Variants in DHRSX observed in about 807,000 individuals in gnomAD.
The protein encoded by DHRSX is dehydrogenase/reductase X-linked.
A neutral mutation model predicts 34.0 loss-of-function variants in DHRSX; 31 were observed. That is an observed-to-expected ratio of 0.91 (90% CI 0.69 to 1.23). The LOEUF (loss-of-function observed/expected upper bound fraction) is 1.23, where lower values mean the gene tolerates loss of function less well. DHRSX is among the 50% of genes most tolerant of loss of function. DHRSX has a pLI of 0.00. For synonymous variants in DHRSX, 201 were observed against 183.8 expected (o/e 1.09, Z -0.76); for missense variants, 414 against 428.1 (o/e 0.97, Z 0.29).
At chrX:2,345,935 C>G (rs1379959562) in intron 3 of DHRSX, among the ~76,000 whole-genome samples, 1 of 152,192 alleles carries the variant, frequency 6.6e-6, no homozygotes, top group Non-Finnish European at 1.5e-5. Flanking sequence ...AATGTGCTTT[C>G]TATCAGTACA....
chrX:2,390,144 C>CTTT lies in DHRSX; in HGVS notation c.286+18598_286+18600dup, dbSNP rs575599788. On this transcript the variant is annotated intron_variant, in intron 3 of 6. Coordinates refer to ENST00000334651, the MANE Select transcript of DHRSX (RefSeq NM_145177.3). ...ATAACATAAAGTTTAGCATTTTAAC[C>CTTT]TTTTTTTTTTTTTTTTTTAATGGAG... Among the ~76,000 whole-genome samples the CTTT allele has an allele frequency of 6.0e-4, 77 of 128,174 alleles. 1 individual carries two copies. The highest frequency in any genetic ancestry group is 5.2e-3 in the South Asian group (21 of 4,040). 84.1% of individuals were successfully genotyped at this position (128,174 alleles called of 152,430 possible). A position where few individuals can be genotyped will look rare whatever the true frequency, so the allele number is the denominator to read the frequency against.
At chrX:2,331,436 GTTTT>G (rs1159991841) in intron 3 of DHRSX, among the ~76,000 whole-genome samples, 14 of 94,662 alleles carry the variant, frequency 1.5e-4, no homozygotes, top group Non-Finnish European at 2.8e-4. Flanking sequence ...AGGTTTTTTG[GTTTT>G]TTTTTTTTTT....
intron 5 of DHRSX, among the ~76,000 whole-genome samples, chrX:2,263,791 G>T (rs371599833): frequency 6.6e-6 from 1 of 152,138 alleles, no homozygotes; most frequent in African/African-American, 2.4e-5. Context: ...GATGACAGGC[G>T]TGAGCCACCA....
chrX:2,468,939 A>T (rs973885601), intron 1 of DHRSX, among the ~76,000 whole-genome samples: 1 of 151,548 alleles, frequency 6.6e-6, no homozygotes, highest in Non-Finnish European at 1.5e-5. Context: ...GACGTTCCCT[A>T]AGTATGTGGC....
intron 1 of DHRSX, among the ~76,000 whole-genome samples, chrX:2,482,223 T>C (rs886271223): frequency 9.9e-5 from 15 of 151,882 alleles, no homozygotes; most frequent in Non-Finnish European, 1.8e-4. Flanking sequence ...TCCAACTCCC[T>C]GGCTCAAGTG....
At chrX:2,236,128 T>C (rs2016009721) in intron 6 of DHRSX, among the ~76,000 whole-genome samples, 1 of 150,562 alleles carries the variant, frequency 6.6e-6, no homozygotes, top group African/African-American at 2.4e-5. Context: ...AAAAAATAAA[T>C]AAATAAAATA....
At chrX:2,408,564 C>T (rs1311249087) in intron 3 of DHRSX, among the ~76,000 whole-genome samples, 181 bp downstream of exon 3, 1 of 152,094 alleles carries the variant, frequency 6.6e-6, no homozygotes, top group African/African-American at 2.4e-5. Context: ...CTTCGCCTTG[C>T]CTTGACCATC....
chrX:2,329,496 C>T (rs1195619672), intron 3 of DHRSX, among the ~76,000 whole-genome samples: 1 of 152,046 alleles, frequency 6.6e-6, no homozygotes, highest in Non-Finnish European at 1.5e-5. Flanking sequence ...TAGAAGAGGT[C>T]GAATTTAGAG....
chrX:2,225,462 ATTC>A (rs2015636298), intron 6 of DHRSX, among the ~76,000 whole-genome samples: 1 of 150,412 alleles, frequency 6.6e-6, no homozygotes, highest in Non-Finnish European at 1.5e-5. Context: ...ATGCTTATAT[ATTC>A]ATTTGCATGC....
chrX:2,491,316 C>T (rs1441127066), intron 1 of DHRSX, among the ~76,000 whole-genome samples: 4 of 152,158 alleles, frequency 2.6e-5, no homozygotes, highest in Non-Finnish European at 5.9e-5. Context: ...GTGATCCACC[C>T]GCCTTGGCCT....
intron 1 of DHRSX, among the ~76,000 whole-genome samples, chrX:2,478,302 TGA>T (rs1415869789): frequency 6.6e-6 from 1 of 152,082 alleles, no homozygotes; most frequent in East Asian, 1.9e-4. Flanking sequence ...GGATTCCACA[TGA>T]GAGTCACAGA....
chrX:2,242,815 C>T (rs185725297), intron 6 of DHRSX, among the ~76,000 whole-genome samples: 6 of 152,140 alleles, frequency 3.9e-5, no homozygotes, highest in Non-Finnish European at 7.4e-5. Context: ...GGCCAACCAG[C>T]GGCCGCCGGG....
intron 1 of DHRSX, among the ~76,000 whole-genome samples, chrX:2,450,707 CCTT>C (rs2045436116): frequency 6.6e-6 from 1 of 151,492 alleles, no homozygotes; most frequent in Non-Finnish European, 1.5e-5. Flanking sequence ...TGTGTCTCCT[CCTT>C]CTTGGAAAAT....
intron 6 of DHRSX, among the ~76,000 whole-genome samples, chrX:2,233,705 C>T (rs2015950000): frequency 6.6e-6 from 1 of 151,946 alleles, no homozygotes; most frequent in South Asian, 2.1e-4. Context: ...AGAAATAACC[C>T]CTGCTGCCCA....
intron 1 of DHRSX, among the ~76,000 whole-genome samples, chrX:2,470,249 T>C (rs2044568560): frequency 6.6e-6 from 1 of 151,182 alleles, no homozygotes; most frequent in South Asian, 2.1e-4. Flanking sequence ...GCTGAAGTGT[T>C]TGTCAAAGAA....
intron 3 of DHRSX, among the ~76,000 whole-genome samples, chrX:2,310,211 G>A (rs1956363635): frequency 6.6e-6 from 1 of 151,988 alleles, no homozygotes; most frequent in Admixed American, 6.6e-5. Context: ...GAGCTGATGC[G>A]ACCACAGCCT....
chrX:2,356,351 G>A (rs2042851910), intron 3 of DHRSX, among the ~76,000 whole-genome samples: 1 of 152,136 alleles, frequency 6.6e-6, no homozygotes, highest in Non-Finnish European at 1.5e-5. Context: ...CTCCAGCCTG[G>A]GTGACAAAGC....
intron 1 of DHRSX, 163 bp downstream of exon 1, chrX:2,500,654 G>GCCCCCC (rs546772121): frequency 7.9e-5 from 10 of 126,742 alleles, no homozygotes; most frequent in African/African-American, 1.2e-4. Flanking sequence ...CGCGCACGCC[G>GCCCCCC]CCCCCCCCCC....
chrX:2,309,249 A>G (rs968038776), intron 3 of DHRSX, among the ~76,000 whole-genome samples: 2 of 152,188 alleles, frequency 1.3e-5, no homozygotes, highest in Non-Finnish European at 2.9e-5. Context: ...CAAAGAACAG[A>G]TAAGTGCCCT....
Sources: allele counts gnomAD v4.1 joint callset (sites outside exome capture counted in the v4.1 genomes callset), GRCh38; gene constraint gnomAD v4.1.1; transcripts MANE v1.5; gene names NCBI Gene and HGNC (gene_info 2026-07-23, HGNC 2026-07-21).